The following CADM2 variants were observed in gnomAD, a reference collection of about 807,000 sequenced individuals.
The protein encoded by CADM2 is cell adhesion molecule 2, also known as immunoglobulin superfamily member 4D.
In CADM2, 12 loss-of-function variants were observed where a neutral mutation model predicts 49.8. The observed-to-expected ratio is 0.24, with a 90% CI of 0.15 to 0.39. CADM2 has a LOEUF of 0.39. Among genes scored for constraint, CADM2 ranks in the 10% least tolerant of loss-of-function variants. The pLI, the probability that CADM2 is intolerant of heterozygous loss-of-function variation, is 1.00. For missense variants in CADM2, 378 were observed against 492.3 expected, an observed-to-expected ratio of 0.77 and a Z score of 2.20; for synonymous variants, 214 against 175.4, an observed-to-expected ratio of 1.22 and a Z score of -1.74.
At chr3:85,932,137 A>G (rs1472867518) in intron 6 of CADM2, among the ~76,000 whole-genome samples, 1 of 151,848 alleles carries the variant, frequency 6.6e-6, no homozygotes, top group East Asian at 1.9e-4. Context: ...AAAAGTAGTG[A>G]ATTAATTTGA....
intron 3 of CADM2, among the ~76,000 whole-genome samples, chr3:85,876,992 G>A (rs991689857): frequency 1.3e-5 from 2 of 151,974 alleles, no homozygotes; most frequent in African/African-American, 4.8e-5. Context: ...ACGGTGTATT[G>A]GAAAAATCAT....
chr3:85,591,776 G>A (rs1479003919), intron 1 of CADM2, among the ~76,000 whole-genome samples: 4 of 151,974 alleles, frequency 2.6e-5, no homozygotes, highest in African/African-American at 9.7e-5. Context: ...GTGAGTCACA[G>A]CAAAAGATCT....
At chr3:85,917,025 T>A (rs1451423570) in intron 6 of CADM2, among the ~76,000 whole-genome samples, 3 of 152,156 alleles carry the variant, frequency 2.0e-5, no homozygotes, top group Admixed American at 6.6e-5. Context: ...GGTTTTTTTT[T>A]ATTGTAAATT....
At chr3:86,048,198 TC>T (rs1364799567) in intron 8 of CADM2, among the ~76,000 whole-genome samples, 4 of 151,600 alleles carry the variant, frequency 2.6e-5, no homozygotes, top group African/African-American at 9.7e-5. Context: ...TATTTTATTT[TC>T]AAAGTTAGAA....
intron 1 of CADM2, among the ~76,000 whole-genome samples, chr3:85,627,939 G>A (rs1419054998): frequency 2.0e-5 from 3 of 151,962 alleles, no homozygotes; most frequent in Non-Finnish European, 4.4e-5. Context: ...TGAATTCCTC[G>A]GATTTCCACA....
chr3:85,885,493 A>G (rs908016647), intron 4 of CADM2, among the ~76,000 whole-genome samples: 3 of 151,852 alleles, frequency 2.0e-5, no homozygotes, highest in Non-Finnish European at 4.4e-5. Flanking sequence ...CAACATGGAG[A>G]ACCACCCCCA....
At chr3:85,199,558 T>C (rs1188987982) in intron 1 of CADM2, among the ~76,000 whole-genome samples, 2 of 151,916 alleles carry the variant, frequency 1.3e-5, no homozygotes, top group East Asian at 3.9e-4. Context: ...CCTCACAGCC[T>C]AGCATTGTAC....
intron 5 of CADM2, among the ~76,000 whole-genome samples, chr3:85,902,380 C>A (rs962933278): frequency 6.6e-6 from 1 of 151,544 alleles, no homozygotes; most frequent in African/African-American, 2.4e-5. Context: ...ATTTTTCATC[C>A]TTTTATTTTC....
intron 8 of CADM2, among the ~76,000 whole-genome samples, chr3:86,019,353 T>C (rs1357458076): frequency 2.1e-5 from 3 of 145,330 alleles, no homozygotes; most frequent in Non-Finnish European, 3.0e-5. Flanking sequence ...ATTGACTTGG[T>C]GATGCGGGCT....
chr3:86,031,705 T>C (rs1349966939), intron 8 of CADM2, among the ~76,000 whole-genome samples: 1 of 151,784 alleles, frequency 6.6e-6, no homozygotes, highest in Non-Finnish European at 1.5e-5. Context: ...GGCAATTACA[T>C]TGCTTGGGAA....
At chr3:85,799,601 T>C (rs2071867064) in intron 2 of CADM2, among the ~76,000 whole-genome samples, 1 of 152,214 alleles carries the variant, frequency 6.6e-6, no homozygotes, top group Admixed American at 6.5e-5. Context: ...TGAACCAGAC[T>C]TGCATCCCCA....
At chr3:85,928,041 C>A (rs1035540460) in intron 6 of CADM2, among the ~76,000 whole-genome samples, 3 of 152,052 alleles carry the variant, frequency 2.0e-5, no homozygotes, top group African/African-American at 7.2e-5. Context: ...TATAGAAAAT[C>A]CATTCTGCTG....
At chr3:86,042,684 A>T (rs1736106756) in intron 8 of CADM2, among the ~76,000 whole-genome samples, 2 of 152,168 alleles carry the variant, frequency 1.3e-5, no homozygotes, top group African/African-American at 2.4e-5. Flanking sequence ...TTCTGAAACT[A>T]TTCCAATCAA....
At chr3:85,662,234 T>G (rs1379739672) in intron 1 of CADM2, among the ~76,000 whole-genome samples, 2 of 65,984 alleles carry the variant, frequency 3.0e-5, no homozygotes, top group Non-Finnish European at 5.6e-5. Flanking sequence ...TATAGGTGGG[T>G]TTTTTTTTTT....
At chr3:86,002,870 A>G (rs1156985997) in intron 8 of CADM2, among the ~76,000 whole-genome samples, 1 of 152,216 alleles carries the variant, frequency 6.6e-6, no homozygotes, top group African/African-American at 2.4e-5. Flanking sequence ...TCCTCTAGTT[A>G]GGATTTGTGA....
At chr3:85,187,400 T>G (rs2041090122) in intron 1 of CADM2, among the ~76,000 whole-genome samples, 1 of 152,150 alleles carries the variant, frequency 6.6e-6, no homozygotes, top group Non-Finnish European at 1.5e-5. Context: ...TTGCGAGTCC[T>G]CTGAATAATA....
intron 1 of CADM2, among the ~76,000 whole-genome samples, chr3:85,344,241 C>T (rs1421792680): frequency 6.6e-6 from 1 of 151,344 alleles, no homozygotes; most frequent in Admixed American, 6.6e-5. Flanking sequence ...ATTAGCTGGG[C>T]GTGGTGGCAG....
rs185800113 is a variant in CADM2, at chr3:86,021,585, G to A, written c.971-44020G>A. Among the ~76,000 whole-genome samples the A allele has an allele frequency of 2.0e-3, 307 of 152,222 alleles. 1 individual carries two copies. Among genetic ancestry groups the A allele is most frequent in the African/African-American group, 6.5e-3 (271 of 41,552 alleles). On this transcript the variant is annotated intron_variant, in intron 8 of 9. Transcript: ENST00000383699. Reference sequence around the variant, plus strand: ...GCTTAATGTATGGTTTCAAGTAAATGATGTGCTACTCACTGTAAAAATTTC... The same window carrying A: ...GCTTAATGTATGGTTTCAAGTAAATAATGTGCTACTCACTGTAAAAATTTC...
chr3:85,198,618 T>G (rs1233829399), intron 1 of CADM2, among the ~76,000 whole-genome samples: 5 of 151,870 alleles, frequency 3.3e-5, no homozygotes, highest in African/African-American at 4.8e-5. Flanking sequence ...GTAGTTTCAG[T>G]TTCTTCAAAA....
Sources: allele counts gnomAD v4.1 joint callset (sites outside exome capture counted in the v4.1 genomes callset), GRCh38; gene constraint gnomAD v4.1.1; transcripts MANE v1.5; gene names NCBI Gene and HGNC (gene_info 2026-07-23, HGNC 2026-07-21).